DLC1: variants seen among roughly 807,000 people sequenced by gnomAD.
DLC1 encodes the protein DLC1 Rho GTPase activating protein, also known as rho GTPase-activating protein 7.
A neutral mutation model predicts 140.3 loss-of-function variants in DLC1; 54 were observed. The ratio of observed to expected loss-of-function variants is 0.38; its 90% CI spans 0.31 to 0.48. The LOEUF is 0.48. Among genes scored for constraint, DLC1 ranks in the 20% least tolerant of loss-of-function variants. The pLI, the probability that DLC1 is intolerant of heterozygous loss-of-function variation, is 0.96. For synonymous variants in DLC1, 986 were observed against 728.1 expected, an observed-to-expected ratio of 1.35 and a Z score of -5.70; for missense variants, 2,536 against 1,907.0, an observed-to-expected ratio of 1.33 and a Z score of -6.14.
In DLC1 at chr8:13,427,731, A is replaced by G. The variant is rs556419088; in HGVS notation, c.1024-26112T>C. 3.9e-5 allele frequency among the ~76,000 whole-genome samples: 6 copies of G among 152,304 alleles called. No homozygotes were observed. In the South Asian group the frequency reaches 6.2e-4, roughly 16 times the overall value. On this transcript the variant is annotated intron_variant, in intron 2 of 17. Coordinates refer to ENST00000276297, the MANE Select transcript of DLC1 (RefSeq NM_182643.3). ...ATGGCAATTATAGTCATATATGTCT[A>G]TCTTCACCCCAAAATGTGAGGTCCT...
At chr8:13,453,463 TATATATAC>T (rs1393238429) in intron 2 of DLC1, among the ~76,000 whole-genome samples, 2 of 33,060 alleles carry the variant, frequency 6.0e-5, no homozygotes, top group African/African-American at 1.6e-4. Flanking sequence ...TATATATGTA[TATATATAC>T]ATATATATGT....
Position 13,099,790 on chromosome 8 carries a change from G to A in DLC1, c.2547C>T (p.Ile849=), listed in dbSNP as rs144997758. 5 of 1,614,044 alleles carry A rather than the reference G, an allele frequency of 3.1e-6. No individual in the cohort carries two copies. The Admixed American group carries it at 6.7e-5, about 22-fold the overall frequency. ...CGCTACTGTTTTCCCTCCTGAGGCTGATGTGGCCAGGGCCGTGGAAGCTTC... is the reference window on the plus strand; with the variant it reads ...CGCTACTGTTTTCCCTCCTGAGGCTAATGTGGCCAGGGCCGTGGAAGCTTC... The part of the protein sequence containing the change: ...RTGSFHGPGH[I]SLRRENSSDS... Residue 849 remains isoleucine (I), a synonymous_variant, in exon 9 of 18, where the codon ATC becomes ATT. Transcript: ENST00000276297.
intron 5 of DLC1, among the ~76,000 whole-genome samples, chr8:13,224,816 C>T (rs1370061565): frequency 2.0e-5 from 3 of 152,250 alleles, no homozygotes; most frequent in Admixed American, 2.0e-4. Flanking sequence ...TGTAGTTACT[C>T]CTCCCACAAA....
intron 5 of DLC1, among the ~76,000 whole-genome samples, chr8:13,194,585 G>C (rs185049533): frequency 9.8e-5 from 15 of 152,334 alleles, no homozygotes; most frequent in Non-Finnish European, 2.1e-4. Context: ...GCCACGGGCA[G>C]AGGCCAGCAT....
chr8:13,388,137 G>T (rs1412299567), intron 4 of DLC1, among the ~76,000 whole-genome samples: 2 of 151,908 alleles, frequency 1.3e-5, no homozygotes, highest in African/African-American at 4.8e-5. Context: ...CTAATCCCTT[G>T]TGGCTAATTC....
At chr8:13,183,931 A>T (rs1826191450) in intron 5 of DLC1, among the ~76,000 whole-genome samples, 1 of 152,166 alleles carries the variant, frequency 6.6e-6, no homozygotes. Context: ...TTTGGCTGTG[A>T]ATCCATCTGG....
At chr8:13,471,031 A>T (rs559782671) in intron 2 of DLC1, among the ~76,000 whole-genome samples, 1 of 152,290 alleles carries the variant, frequency 6.6e-6, no homozygotes. Context: ...CAAATGAAAT[A>T]AGCCACACAC....
intron 1 of DLC1, among the ~76,000 whole-genome samples, chr8:13,551,540 C>G (rs1027431624): frequency 6.6e-6 from 1 of 152,018 alleles, no homozygotes; most frequent in African/African-American, 2.4e-5. Flanking sequence ...TCTCATTCAT[C>G]TGCAGTGTTA....
chr8:13,401,312 C>T (rs765120092), intron 3 of DLC1, among the ~76,000 whole-genome samples, 158 bp downstream of exon 3: 14 of 152,130 alleles, frequency 9.2e-5, no homozygotes, highest in Admixed American at 2.0e-4. Context: ...AGAATGTATG[C>T]ATGATGCATA....
chr8:13,519,379 T>C (rs980756959), upstream of DLC1, among the ~76,000 whole-genome samples: 3 of 152,126 alleles, frequency 2.0e-5, no homozygotes, highest in Admixed American at 1.3e-4. Flanking sequence ...CCACCCGCCT[T>C]GGCCTCCCAA....
rs796537568 is a variant in DLC1, at chr8:13,283,659, C to T, written c.1348+21610G>A. Among the ~76,000 whole-genome samples the T allele has an allele frequency of 2.1e-4, 32 of 152,230 alleles. 1 individual carries two copies. The highest frequency in any genetic ancestry group is 1.0e-3 in the South Asian group (5 of 4,824). ...CCTCCTGAGTAGCCTGGACTACAGG[C>T]GCACACCACTATGCCTGGCTTATTT... On this transcript the variant is annotated intron_variant, in intron 5 of 17. Coordinates refer to ENST00000276297, the MANE Select transcript of DLC1 (RefSeq NM_182643.3).
intron 2 of DLC1, among the ~76,000 whole-genome samples, chr8:13,449,167 G>A (rs560322545): frequency 3.9e-5 from 6 of 152,122 alleles, no homozygotes; most frequent in African/African-American, 1.4e-4. Context: ...AAGATCGCTG[G>A]GCTTGACAAA....
intron 5 of DLC1, chr8:13,133,327 G>T (rs1344885877): frequency 4.2e-6 from 5 of 1,180,498 alleles, no homozygotes; most frequent in East Asian, 5.8e-5. Context: ...CCTCCCGCTG[G>T]GCCCACCCCC....
chr8:13,095,512 A>C (rs1818435980), intron 10 of DLC1: 1 of 456,690 alleles, frequency 2.2e-6, no homozygotes, highest in Non-Finnish European at 4.0e-6. Flanking sequence ...GTTCTCCTGG[A>C]CAGTGCTGTT....
At chr8:13,191,926 G>GATTATTATT (rs143940185) in intron 5 of DLC1, among the ~76,000 whole-genome samples, 7,239 of 141,842 alleles carry the variant, frequency 0.051, 496 homozygotes, top group African/African-American at 0.15. Flanking sequence ...GGAGTGGCCT[G>GATTATTATT]ATTATTATTA....
rs1171947816 is a variant in DLC1, at chr8:13,551,251, A to AGAT, written c.-125-51058_-125-51056dup. Among the ~76,000 whole-genome samples the AGAT allele has an allele frequency of 5.3e-5, 8 of 152,250 alleles. No homozygotes were observed. In the South Asian group the frequency reaches 1.5e-3, roughly 28 times the overall value. ...GGCCAAAACAAAGAATGTAGCTTTT[A>AGAT]GATGTTCAATCTAGCATGCATTGTT... On this transcript the variant is annotated intron_variant, in intron 1 of 1. Transcript: ENST00000631382.
chr8:13,174,580 C>T (rs983366642), intron 5 of DLC1, among the ~76,000 whole-genome samples: 5 of 152,118 alleles, frequency 3.3e-5, no homozygotes, highest in African/African-American at 9.7e-5. Flanking sequence ...GAGATGGTAT[C>T]TTCTTGTGGT....
chr8:13,290,168 C>T (rs912469441), intron 5 of DLC1, among the ~76,000 whole-genome samples: 3 of 152,042 alleles, frequency 2.0e-5, no homozygotes, highest in Non-Finnish European at 4.4e-5. Context: ...GATAATCTGT[C>T]TTAAGCCTTA....
At chr8:13,287,961 C>G (rs1831595139) in intron 5 of DLC1, among the ~76,000 whole-genome samples, 1 of 151,396 alleles carries the variant, frequency 6.6e-6, no homozygotes, top group African/African-American at 2.4e-5. Flanking sequence ...TCTTTAGAAA[C>G]AGCTATTTTC....
Sources: gnomAD v4.1 joint callset for allele counts (sites outside exome capture counted in the v4.1 genomes callset) on GRCh38, gnomAD v4.1.1 for gene constraint, MANE v1.5 for transcripts, NCBI Gene and HGNC (gene_info 2026-07-23, HGNC 2026-07-21) for gene names.